MYO1H: variants seen among roughly 807,000 people sequenced by gnomAD.
MYO1H encodes the protein myosin IH.
A neutral mutation model predicts 149.3 loss-of-function variants in MYO1H; 118 were observed. The observed-to-expected ratio is 0.79, with a 90% CI of 0.68 to 0.92. The LOEUF (loss-of-function observed/expected upper bound fraction) is 0.92. Ranked by LOEUF, MYO1H falls within the 40% of genes least tolerant of loss-of-function variation. The pLI is 0.00. For synonymous variants in MYO1H, 447 were observed against 465.2 expected (o/e 0.96, Z 0.50); for missense variants, 1,212 against 1,280.7 (o/e 0.95, Z 0.82).
intron 1 of MYO1H, among the ~76,000 whole-genome samples, chr12:109,350,932 A>G (rs1266886039): frequency 6.6e-6 from 1 of 152,256 alleles, no homozygotes; most frequent in Non-Finnish European, 1.5e-5. Context: ...TAATGCTGGT[A>G]CAATGTGCAT....
chr12:109,324,699 TTTTC>T, the MYO1H span, among the ~76,000 whole-genome samples: 6 of 151,752 alleles, frequency 4.0e-5, no homozygotes, highest in African/African-American at 7.3e-5. Flanking sequence ...TTTCTTTTTC[TTTTC>T]TTTTTTTTTT....
chr12:109,427,695 G>A, intron 19 of MYO1H, 109 bp downstream of exon 19: 1 of 744,368 alleles, frequency 1.3e-6, no homozygotes, highest in Non-Finnish European at 2.4e-6. Flanking sequence ...GCTCAGTTTG[G>A]TTGTTAACTG....
intron 19 of MYO1H, among the ~76,000 whole-genome samples, chr12:109,430,284 C>G (rs770058111): frequency 6.6e-6 from 1 of 152,162 alleles, no homozygotes; most frequent in African/African-American, 2.4e-5. Context: ...TAGCCAAACC[C>G]CGTGCACCTG....
intron 1 of MYO1H, among the ~76,000 whole-genome samples, chr12:109,377,762 T>C (rs944868538): frequency 3.3e-5 from 5 of 152,242 alleles, no homozygotes; most frequent in African/African-American, 9.6e-5. Flanking sequence ...ATAAGTATTA[T>C]GAAAAATAAA....
At chr12:109,394,588 CA>C (rs941442418) in intron 3 of MYO1H, among the ~76,000 whole-genome samples, 2 of 143,032 alleles carry the variant, frequency 1.4e-5, no homozygotes, top group African/African-American at 5.8e-5. Flanking sequence ...ACATTCAAAA[CA>C]ATGACTACCA....
chr12:109,316,825 T>C, the MYO1H span, among the ~76,000 whole-genome samples: 1 of 152,232 alleles, frequency 6.6e-6, no homozygotes, highest in Admixed American at 6.5e-5. Context: ...TGTTTCATCA[T>C]CTTGCATATG....
chr12:109,354,630 A>AAAAAAGAAAAG (rs796354256), intron 1 of MYO1H, among the ~76,000 whole-genome samples: 2 of 134,014 alleles, frequency 1.5e-5, no homozygotes, highest in African/African-American at 2.9e-5. Flanking sequence ...AAAAAAAAAA[A>AAAAAAGAAAAG]AAAAGAAAAG....
the MYO1H span, among the ~76,000 whole-genome samples, chr12:109,317,133 G>GA: frequency 1.3e-5 from 2 of 152,172 alleles, no homozygotes; most frequent in African/African-American, 4.8e-5. Flanking sequence ...GACTGACTCT[G>GA]AAATACAATT....
chr12:109,427,909 A>AATATAT (rs1555254297), intron 19 of MYO1H, among the ~76,000 whole-genome samples: 69 of 16,406 alleles, frequency 4.2e-3, no homozygotes, highest in East Asian at 0.017. Flanking sequence ...AAAAAAAAAA[A>AATATAT]ATATATATAT....
intron 1 of MYO1H, among the ~76,000 whole-genome samples, chr12:109,369,882 G>A (rs1017993762): frequency 3.9e-5 from 6 of 152,246 alleles, no homozygotes; most frequent in African/African-American, 1.2e-4. Context: ...GAGGTTTAAC[G>A]GACTCACAGT....
chr12:109,415,761 C>G (rs1411401182), intron 15 of MYO1H, 141 bp downstream of exon 15: 9 of 491,120 alleles, frequency 1.8e-5, no homozygotes, highest in Non-Finnish European at 2.5e-5. Context: ...TTGAAAAAGT[C>G]TTTCTAATTG....
intron 1 of MYO1H, among the ~76,000 whole-genome samples, chr12:109,382,921 AAAT>A (rs1869234901): frequency 6.7e-6 from 1 of 148,936 alleles, no homozygotes; most frequent in Admixed American, 6.7e-5. Context: ...AATATATAAA[AAAT>A]AAATATAAAG....
chr12:109,416,317 C>T (rs7305754), intron 15 of MYO1H, among the ~76,000 whole-genome samples: 24,764 of 151,470 alleles, frequency 0.16, 2,495 homozygotes, highest in African/African-American at 0.28. Context: ...ACCCCTTCCC[C>T]TGTAGCTCAA....
intron 1 of MYO1H, among the ~76,000 whole-genome samples, chr12:109,388,040 G>C (rs1869452536): frequency 6.6e-6 from 1 of 152,164 alleles, no homozygotes; most frequent in Admixed American, 6.5e-5. Flanking sequence ...CCCATCCTTG[G>C]AGAGGAACAC....
the MYO1H span, among the ~76,000 whole-genome samples, chr12:109,318,455 G>A: frequency 6.6e-6 from 1 of 152,166 alleles, no homozygotes; most frequent in Non-Finnish European, 1.5e-5. Context: ...TAGCTTTGCA[G>A]TGGAGCAGGC....
intron 4 of MYO1H, among the ~76,000 whole-genome samples, chr12:109,396,814 G>GT (rs60551691): frequency 0.031 from 1,559 of 51,008 alleles, 459 homozygotes; most frequent in Non-Finnish European, 0.041. Flanking sequence ...TTTTGGTTTC[G>GT]TTTTTTTTTT....
chr12:109,373,430 AT>A (rs1410821586), intron 1 of MYO1H, among the ~76,000 whole-genome samples: 3 of 152,130 alleles, frequency 2.0e-5, no homozygotes, highest in African/African-American at 7.2e-5. Flanking sequence ...AGTTGATCAA[AT>A]GCTTTTTTAA....
At chr12:109,338,335 C>T in the MYO1H span, among the ~76,000 whole-genome samples, 2 of 152,164 alleles carry the variant, frequency 1.3e-5, no homozygotes, top group Non-Finnish European at 2.9e-5. Flanking sequence ...ATTTCTCTTT[C>T]AACTAAAACT....
chr12:109,318,853 G>C, the MYO1H span, among the ~76,000 whole-genome samples: 2 of 152,086 alleles, frequency 1.3e-5, no homozygotes, highest in Middle Eastern at 3.4e-3. Flanking sequence ...ATAGGAATGT[G>C]CCAAAGTGGA....
Sources: allele counts gnomAD v4.1 joint callset (sites outside exome capture counted in the v4.1 genomes callset), GRCh38; gene constraint gnomAD v4.1.1; transcripts MANE v1.5; gene names NCBI Gene and HGNC (gene_info 2026-07-23, HGNC 2026-07-21).